Variants in TENT5D observed in about 807,000 individuals in gnomAD.
The protein encoded by TENT5D is cancer/testis antigen 112.
For missense variants in TENT5D, 191 were observed against 287.0 expected (o/e 0.67, Z 2.42); for synonymous variants, 103 against 100.6 (o/e 1.02, Z -0.15).
At chrX:80,394,960 A>G (rs1931213663) in intron 3 of TENT5D, among the ~76,000 whole-genome samples, 1 of 111,351 alleles carries the variant, frequency 9.0e-6, no homozygotes, top group Non-Finnish European at 1.9e-5. Context: ...GGATACCAGA[A>G]CTTATTTCTC....
At chrX:80,337,906 A>G (rs893872266) in intron 2 of TENT5D, among the ~76,000 whole-genome samples, 1 of 110,635 alleles carries the variant, frequency 9.0e-6, no homozygotes, top group African/African-American at 3.3e-5. Context: ...CTGGGACTAC[A>G]GGCCCACGCC....
chrX:80,397,225 G>A (rs1379361238), intron 3 of TENT5D, among the ~76,000 whole-genome samples: 13 of 106,859 alleles, frequency 1.2e-4, no homozygotes, highest in African/African-American at 4.5e-4. Context: ...GGGCGGCCGG[G>A]CAGAGACGCT....
intron 3 of TENT5D, among the ~76,000 whole-genome samples, chrX:80,386,074 C>T (rs1415798007): frequency 1.8e-5 from 2 of 112,058 alleles, no homozygotes; most frequent in Non-Finnish European, 3.8e-5. Context: ...CATTACTGGG[C>T]ATATACCCAA....
At chrX:80,358,390 G>A (rs1431071795) in intron 3 of TENT5D, among the ~76,000 whole-genome samples, 1 of 111,520 alleles carries the variant, frequency 9.0e-6, no homozygotes, top group East Asian at 2.8e-4. Flanking sequence ...CCTACAGAAT[G>A]GGAGAAAATT....
chrX:80,396,481 G>T (rs935692359), intron 3 of TENT5D, among the ~76,000 whole-genome samples: 2 of 109,653 alleles, frequency 1.8e-5, no homozygotes, highest in African/African-American at 6.7e-5. Flanking sequence ...GACTCTTAAC[G>T]AGCATGCTGC....
chrX:80,350,481 T>C (rs1480470180), intron 3 of TENT5D, among the ~76,000 whole-genome samples: 1 of 111,161 alleles, frequency 9.0e-6, no homozygotes, highest in Non-Finnish European at 1.9e-5. Context: ...CACTGCTTTT[T>C]TTTGCTTTCC....
chrX:80,373,804 C>G (rs1930675560), intron 3 of TENT5D, among the ~76,000 whole-genome samples: 1 of 111,314 alleles, frequency 9.0e-6, no homozygotes, highest in Non-Finnish European at 1.9e-5. Flanking sequence ...TAATATATTT[C>G]ATGTATATTT....
At chrX:80,374,432 T>C (rs1220233721) in intron 3 of TENT5D, among the ~76,000 whole-genome samples, 2 of 111,411 alleles carry the variant, frequency 1.8e-5, no homozygotes, top group African/African-American at 3.3e-5. Flanking sequence ...TTTTCAACAA[T>C]TGTTGAACTA....
At chrX:80,418,864 TA>T (rs1462165148), upstream of TENT5D, among the ~76,000 whole-genome samples, 1 of 111,637 alleles carries the variant, frequency 9.0e-6, no homozygotes, top group Non-Finnish European at 1.9e-5. Flanking sequence ...TTCTTTCCAA[TA>T]ACCCTTGCTT....
At chrX:80,341,445 CAG>C (rs1311585272) in intron 2 of TENT5D, among the ~76,000 whole-genome samples, 1 of 111,634 alleles carries the variant, frequency 9.0e-6, no homozygotes, top group African/African-American at 3.3e-5. Flanking sequence ...TTATCAGAAA[CAG>C]AATACTGAGC....
chrX:80,402,176 AT>A (rs1931400869), intron 3 of TENT5D, among the ~76,000 whole-genome samples: 1 of 110,945 alleles, frequency 9.0e-6, no homozygotes, highest in Non-Finnish European at 1.9e-5. Context: ...AGGTTATCTA[AT>A]TTTTGGCATA....
chrX:80,359,202 G>T (rs7055190), intron 3 of TENT5D, among the ~76,000 whole-genome samples: 14,642 of 111,189 alleles, frequency 0.13, 1,029 homozygotes, highest in East Asian at 0.48. Flanking sequence ...TTACACTGTT[G>T]GTGGGAGTGT....
chrX:80,429,091 A>G, intron 1 of TENT5D, among the ~76,000 whole-genome samples: 1 of 111,223 alleles, frequency 9.0e-6, no homozygotes, highest in Non-Finnish European at 1.9e-5. Context: ...CTCAGGACCC[A>G]TTAGTCCTGC....
chrX:80,370,225 A>G (rs1020966401), intron 3 of TENT5D, among the ~76,000 whole-genome samples: 1 of 111,126 alleles, frequency 9.0e-6, no homozygotes, highest in Non-Finnish European at 1.9e-5. Context: ...ACTGATGTGA[A>G]CCACCATGCC....
chrX:80,438,114 A>T (rs964418876), intron 1 of TENT5D, among the ~76,000 whole-genome samples: 3 of 111,294 alleles, frequency 2.7e-5, no homozygotes, highest in African/African-American at 9.8e-5. Flanking sequence ...AATAGCCAAA[A>T]TATGAGGGAC....
At chrX:80,430,014 T>C (rs184703717) in intron 1 of TENT5D, among the ~76,000 whole-genome samples, 43 of 109,938 alleles carry the variant, frequency 3.9e-4, no homozygotes, top group Non-Finnish European at 9.5e-5. Context: ...TTCTTCACCG[T>C]CTTTCCCTTT....
At chrX:80,372,594 G>T (rs760759917) in intron 3 of TENT5D, among the ~76,000 whole-genome samples, 7 of 110,942 alleles carry the variant, frequency 6.3e-5, no homozygotes, top group Non-Finnish European at 9.4e-5. Flanking sequence ...CTCATAAAAA[G>T]TATTAGGTTG....
intron 1 of TENT5D, among the ~76,000 whole-genome samples, chrX:80,421,785 G>T (rs1931888006): frequency 9.0e-6 from 1 of 111,437 alleles, no homozygotes; most frequent in South Asian, 3.8e-4. Context: ...AATGAGGGAG[G>T]GGACTTCCCC....
intron 3 of TENT5D, among the ~76,000 whole-genome samples, chrX:80,407,844 G>C (rs1185311124): frequency 3.8e-5 from 4 of 106,051 alleles, no homozygotes; most frequent in African/African-American, 1.0e-4. Context: ...TGACCACATA[G>C]TTGGAAGTAA....
Sources: gnomAD v4.1 joint callset for allele counts (sites outside exome capture counted in the v4.1 genomes callset) on GRCh38, gnomAD v4.1.1 for gene constraint, MANE v1.5 for transcripts, NCBI Gene and HGNC (gene_info 2026-07-23, HGNC 2026-07-21) for gene names.